Variants in HIGD1C observed in about 807,000 individuals in gnomAD.
HIGD1C encodes HIG1 hypoxia inducible domain family member 1C.
HIGD1C carries 11 observed loss-of-function variants against 13.1 expected under a neutral mutation model. The ratio of observed to expected loss-of-function variants is 0.84; its 90% CI spans 0.53 to 1.39. The LOEUF is 1.39. HIGD1C is among the 40% of genes most tolerant of loss of function. The probability of loss-of-function intolerance (pLI) is 0.00; values close to 1 mark genes in which losing one functional copy is unlikely to be tolerated. For missense variants in HIGD1C, 110 were observed against 112.0 expected (o/e 0.98, Z 0.08); for synonymous variants, 36 against 37.7 (o/e 0.95, Z 0.17).
intron 2 of HIGD1C, among the ~76,000 whole-genome samples, chr12:50,964,614 G>T (rs1188972431): frequency 6.6e-6 from 1 of 152,140 alleles, no homozygotes; most frequent in Non-Finnish European, 1.5e-5. Context: ...CTGATATTAG[G>T]CAGTGAAAGC....
At chr12:50,948,307 A>G in the HIGD1C span, among the ~76,000 whole-genome samples, 4 of 152,290 alleles carry the variant, frequency 2.6e-5, no homozygotes, top group East Asian at 1.9e-4. Flanking sequence ...AATATGTTCA[A>G]TTTCACTCAT....
intron 1 of HIGD1C, among the ~76,000 whole-genome samples, chr12:50,959,860 G>A (rs1162998759): frequency 2.0e-5 from 3 of 152,064 alleles, no homozygotes; most frequent in Admixed American, 6.5e-5. Context: ...GTGTTGGCCA[G>A]GCTGGTCTTG....
chr12:50,951,488 A>T (rs909321523), upstream of HIGD1C, among the ~76,000 whole-genome samples: 1 of 152,216 alleles, frequency 6.6e-6, no homozygotes, highest in Non-Finnish European at 1.5e-5. Context: ...GATATTTCAC[A>T]CTAAGAAGAG....
rs61731820 is a variant in HIGD1C, at chr12:50,954,003, C to T, written c.5C>T (p.Ser2Phe). ...CTATTGTTACTAGAGAAAAAAATGTCTTCAGATAACCAGTGGTCAGCAGAT... is the reference window on the plus strand; with the variant it reads ...CTATTGTTACTAGAGAAAAAAATGTTTTCAGATAACCAGTGGTCAGCAGAT... The change falls in exon 1 of 3, where the codon TCT becomes TTT. Residue 2 changes from serine to phenylalanine, a missense_variant. Physicochemically the swap from Ser to Phe is radical, Grantham distance 155 (BLOSUM62 -2). Transcript: ENST00000398455. 4.6e-3 allele frequency: 7,417 copies of T among 1,604,596 alleles called. 32 individuals are homozygous for T. The highest frequency in any genetic ancestry group is 5.7e-3 in the Non-Finnish European group (6,666 of 1,172,662).
chr12:50,940,793 G>A, the HIGD1C span, among the ~76,000 whole-genome samples: 1 of 151,330 alleles, frequency 6.6e-6, no homozygotes, highest in African/African-American at 2.4e-5. Flanking sequence ...TATAAATGAT[G>A]CTGTATACCA....
chr12:50,969,185 TA>T (rs1310213315), intron 2 of HIGD1C, among the ~76,000 whole-genome samples: 1 of 151,686 alleles, frequency 6.6e-6, no homozygotes, highest in African/African-American at 2.4e-5. Flanking sequence ...TCCCAGCTAC[TA>T]GGGGGGCTGA....
At chr12:50,969,003 T>C (rs1275338062) in intron 2 of HIGD1C, among the ~76,000 whole-genome samples, 30 of 151,992 alleles carry the variant, frequency 2.0e-4, no homozygotes, top group Admixed American at 2.0e-3. Context: ...TATAAATAAA[T>C]GCACAGTTTA....
chr12:50,956,164 G>A (rs913255981), intron 1 of HIGD1C, among the ~76,000 whole-genome samples: 1 of 152,182 alleles, frequency 6.6e-6, no homozygotes, highest in African/African-American at 2.4e-5. Context: ...GGCCAAGGTG[G>A]GTGGATCACT....
At chr12:50,961,148 A>G in intron 2 of HIGD1C, 46 bp downstream of exon 4, 1 of 1,588,596 alleles carries the variant, frequency 6.3e-7, no homozygotes, top group South Asian at 1.1e-5. Flanking sequence ...CTTTGAGAGT[A>G]CATTTATTTA....
the HIGD1C span, among the ~76,000 whole-genome samples, chr12:50,943,138 TAC>T: frequency 1.3e-5 from 2 of 151,980 alleles, no homozygotes; most frequent in Non-Finnish European, 2.9e-5. Context: ...GTGCTGGGAT[TAC>T]AGACACGAGC....
At chr12:50,950,958 A>T (rs1938882148), upstream of HIGD1C, among the ~76,000 whole-genome samples, 2 of 151,998 alleles carry the variant, frequency 1.3e-5, no homozygotes, top group Non-Finnish European at 2.9e-5. Flanking sequence ...TGCTGGGATT[A>T]CAGGCATGAG....
chr12:50,960,608 T>A (rs1425938645), intron 1 of HIGD1C, among the ~76,000 whole-genome samples: 3 of 152,184 alleles, frequency 2.0e-5, no homozygotes, highest in Non-Finnish European at 4.4e-5. Context: ...ATCTTTCAGG[T>A]TCTTATCCTG....
At chr12:50,967,168 T>C (rs955862594) in intron 2 of HIGD1C, among the ~76,000 whole-genome samples, 1 of 151,390 alleles carries the variant, frequency 6.6e-6, no homozygotes, top group Non-Finnish European at 1.5e-5. Context: ...CAGGCTGGAG[T>C]GCAGTGGTGC....
At chr12:50,943,664 C>T in the HIGD1C span, among the ~76,000 whole-genome samples, 1 of 151,592 alleles carries the variant, frequency 6.6e-6, no homozygotes, top group Non-Finnish European at 1.5e-5. Flanking sequence ...GAGCCGAGAT[C>T]GCGCCACTGC....
the HIGD1C span, among the ~76,000 whole-genome samples, chr12:50,933,023 A>G: frequency 6.6e-6 from 1 of 152,368 alleles, no homozygotes; most frequent in South Asian, 2.1e-4. Context: ...ACTGAAAGAT[A>G]ATACCAAAGT....
At chr12:50,963,269 C>T (rs1360185756) in intron 2 of HIGD1C, among the ~76,000 whole-genome samples, 2 of 146,498 alleles carry the variant, frequency 1.4e-5, no homozygotes, top group Non-Finnish European at 3.0e-5. Context: ...ACTCAGGAGG[C>T]TGAAGTAGGA....
At chr12:50,948,878 GGGGGA>G in the HIGD1C span, among the ~76,000 whole-genome samples, 2 of 10,288 alleles carry the variant, frequency 1.9e-4, no homozygotes, top group Non-Finnish European at 1.8e-4. Context: ...GGGGAGGGGA[GGGGGA>G]GGGGAGGGGG....
chr12:50,947,738 C>G, the HIGD1C span, among the ~76,000 whole-genome samples: 1 of 152,144 alleles, frequency 6.6e-6, no homozygotes, highest in South Asian at 2.1e-4. Context: ...GCGAAACCAG[C>G]AAATATATAA....
intron 1 of HIGD1C, 45 bp downstream of exon 3, chr12:50,954,137 A>G (rs1939000814): frequency 1.7e-6 from 2 of 1,145,824 alleles, no homozygotes; most frequent in Non-Finnish European, 2.6e-6. Context: ...TAATAACACA[A>G]TGATGCCTTA....
Sources: allele counts gnomAD v4.1 joint callset (sites outside exome capture counted in the v4.1 genomes callset), GRCh38; gene constraint gnomAD v4.1.1; transcripts MANE v1.5; gene names NCBI Gene and HGNC (gene_info 2026-07-23, HGNC 2026-07-21).